Variants in SH2D1B observed in about 807,000 individuals in gnomAD.
SH2D1B encodes SH2 domain-containing protein 1B.
A neutral mutation model predicts 16.3 loss-of-function variants in SH2D1B; 11 were observed. That is an observed-to-expected ratio of 0.67 (90% confidence interval 0.42 to 1.11). The LOEUF (loss-of-function observed/expected upper bound fraction) is 1.11. SH2D1B is among the 50% of genes most tolerant of loss of function. The pLI is 0.00. For synonymous variants in SH2D1B, 55 were observed against 56.1 expected (o/e 0.98, Z 0.09); for missense variants, 123 against 153.1 (o/e 0.80, Z 1.04).
At chr1:162,403,028 C>T (rs1223885018) in intron 1 of SH2D1B, among the ~76,000 whole-genome samples, 2 of 151,912 alleles carry the variant, frequency 1.3e-5, no homozygotes, top group Non-Finnish European at 1.5e-5. Context: ...CCTGCCTCAG[C>T]CTCCTGCGTA....
intron 1 of SH2D1B, among the ~76,000 whole-genome samples, chr1:162,406,282 C>T (rs1352940359): frequency 6.6e-6 from 1 of 152,168 alleles, no homozygotes; most frequent in Admixed American, 6.5e-5. Context: ...CCAAATTACA[C>T]TGAGTCCACT....
chr1:162,402,971 C>T (rs938195081), intron 1 of SH2D1B, among the ~76,000 whole-genome samples, 169 bp from the exon 2 acceptor site: 7 of 151,338 alleles, frequency 4.6e-5, no homozygotes, highest in Non-Finnish European at 1.0e-4. Flanking sequence ...TGCAGTGGTG[C>T]GATCTCAGCT....
At position 162,395,795 on chromosome 1, in the gene SH2D1B, T is replaced by C. The variant is rs1286442433; in HGVS notation, c.*1485A>G. On this transcript the variant is annotated 3_prime_UTR_variant, in exon 4 of 4. Transcript: ENST00000367929. ...TCTAACAGAATATACAAGACTTCAG[T>C]TGGGAAAATTTATGACTCCATGAAA... 2.0e-5 allele frequency: 3 copies of C among 152,092 alleles called. No homozygotes were observed. The highest frequency in any genetic ancestry group is 7.2e-5 in the African/African-American group (3 of 41,402). The allele number at this position is 152,092 out of a possible 1,614,324, so 9.4% of individuals were successfully genotyped here.
At chr1:162,397,444 T>A in intron 3 of SH2D1B, 129 bp from the exon 4 acceptor site, 1 of 961,136 alleles carries the variant, frequency 1.0e-6, no homozygotes, top group Non-Finnish European at 1.6e-6. Flanking sequence ...ACCTGAAAGT[T>A]GTATCTTTAA....
chr1:162,402,961 T>C (rs1648557946), intron 1 of SH2D1B, among the ~76,000 whole-genome samples, 159 bp from the exon 2 acceptor site: 1 of 151,540 alleles, frequency 6.6e-6, no homozygotes, highest in Admixed American at 6.6e-5. Flanking sequence ...CAGGCTGGAG[T>C]GCAGTGGTGC....
chr1:162,402,796 T>G lies in SH2D1B; in HGVS notation c.141A>C (p.Lys47Asn). ...AGATTCGGTATGTGTAGACAATATT[T>G]TTAAACCTGTGGAAAAAATGACTGT... ...PGVLCLCVSF[K>N]NIVYTYRIFR... Residue 47 changes from lysine (K) to asparagine (N), a missense_variant, in exon 2 of 4, where the codon AAA becomes AAC. Coordinates refer to ENST00000367929, the MANE Select transcript of SH2D1B (RefSeq NM_053282.5). The G allele has an allele frequency of 6.2e-7, 1 of 1,613,546 alleles. No homozygotes were observed. Among genetic ancestry groups the G allele is most frequent in the Non-Finnish European group, 8.5e-7 (1 of 1,179,452 alleles).
Position 162,412,028 on chromosome 1 carries a change from T to C in SH2D1B, c.-12A>G, listed in dbSNP as rs1891090. On this transcript the variant is annotated 5_prime_UTR_variant, in exon 1 of 4. Coordinates refer to ENST00000367929, the MANE Select transcript of SH2D1B (RefSeq NM_053282.5). ...TAAGGCAGATCCATGGAGAACGCTCTTGTATCCCAGGAAGCCCTGTTGGCC... is the reference window on the plus strand; with the variant it reads ...TAAGGCAGATCCATGGAGAACGCTCCTGTATCCCAGGAAGCCCTGTTGGCC... The C allele has an allele frequency of 1.5e-3, 2,368 of 1,613,960 alleles. 39 individuals carry two copies. In the African/African-American group the frequency reaches 0.027, roughly 19 times the overall value.
chr1:162,403,511 AAT>A (rs201259868), intron 1 of SH2D1B, among the ~76,000 whole-genome samples: 1,190 of 41,656 alleles, frequency 0.029, 19 homozygotes, highest in African/African-American at 0.051. Flanking sequence ...AAAAAAAAAA[AAT>A]ATATATATAT....
At chr1:162,401,707 C>T (rs1466017116) in intron 2 of SH2D1B, among the ~76,000 whole-genome samples, 1 of 152,038 alleles carries the variant, frequency 6.6e-6, no homozygotes, top group Non-Finnish European at 1.5e-5. Context: ...TTGTCAACTG[C>T]CTCAATAATG....
At chr1:162,398,361 A>G (rs142780657) in intron 3 of SH2D1B, among the ~76,000 whole-genome samples, 90 of 152,358 alleles carry the variant, frequency 5.9e-4, no homozygotes, top group African/African-American at 2.0e-3. Flanking sequence ...CTGAGAGCAG[A>G]TTTCAAGAGT....
chr1:162,398,479 C>A (rs777678501), intron 3 of SH2D1B, among the ~76,000 whole-genome samples: 2 of 152,134 alleles, frequency 1.3e-5, no homozygotes, highest in Non-Finnish European at 2.9e-5. Context: ...CGGCTTAATG[C>A]CTTTAAAAAT....
At chr1:162,402,856 A>G (rs1648553652) in intron 1 of SH2D1B, 54 bp from the exon 2 acceptor site, 3 of 1,388,326 alleles carry the variant, frequency 2.2e-6, no homozygotes, top group African/African-American at 2.8e-5. Context: ...TCCAGGTAAC[A>G]TCTATCGTTA....
intron 2 of SH2D1B, 200 bp downstream of exon 2, chr1:162,402,539 A>C (rs1000231526): frequency 8.4e-6 from 4 of 477,222 alleles, no homozygotes; most frequent in Non-Finnish European, 1.5e-5. Flanking sequence ...ACAACAACAA[A>C]AAAAGTAGAA....
intron 1 of SH2D1B, among the ~76,000 whole-genome samples, chr1:162,406,579 T>G (rs1648659202): frequency 6.6e-6 from 1 of 152,180 alleles, no homozygotes; most frequent in South Asian, 2.1e-4. Flanking sequence ...GTTTGTTTTG[T>G]TTTTTATACC....
rs1648393982 is a variant in SH2D1B at position 162,396,970 on chromosome 1, A to C, written c.*310T>G. On this transcript the variant is annotated 3_prime_UTR_variant, in exon 4 of 4. Coordinates refer to ENST00000367929, the MANE Select transcript of SH2D1B (RefSeq NM_053282.5). Reference sequence around the variant, plus strand: ...CTGCCCCTCTGACTGCATGGTCCAAAGGAGGGTGTCAACCATGATGTAGGG... The same window carrying C: ...CTGCCCCTCTGACTGCATGGTCCAACGGAGGGTGTCAACCATGATGTAGGG... The C allele has an allele frequency of 2.9e-6, 1 of 343,434 alleles. No homozygotes were observed. Among genetic ancestry groups the C allele is most frequent in the Non-Finnish European group, 5.5e-6 (1 of 180,188 alleles). 21.3% of individuals were successfully genotyped at this position (343,434 alleles called of 1,614,324 possible).
At chr1:162,404,619 A>G (rs1648609536) in intron 1 of SH2D1B, among the ~76,000 whole-genome samples, 1 of 152,208 alleles carries the variant, frequency 6.6e-6, no homozygotes, top group South Asian at 2.1e-4. Context: ...TTAAAAATAA[A>G]AAAAGTAAAA....
chr1:162,403,396 C>T (rs374023182), intron 1 of SH2D1B, among the ~76,000 whole-genome samples: 14 of 144,744 alleles, frequency 9.7e-5, no homozygotes, highest in Admixed American at 5.0e-4. Context: ...GGCTGAGGCA[C>T]GAGAATCGCT....
chr1:162,397,990 A>C (rs1648421403), intron 3 of SH2D1B, among the ~76,000 whole-genome samples: 1 of 152,186 alleles, frequency 6.6e-6, no homozygotes, highest in Non-Finnish European at 1.5e-5. Context: ...CCATGAGTAC[A>C]CACTGCCCTT....
At chr1:162,401,623 G>T (rs1352511074) in intron 2 of SH2D1B, among the ~76,000 whole-genome samples, 1 of 151,980 alleles carries the variant, frequency 6.6e-6, no homozygotes, top group African/African-American at 2.4e-5. Flanking sequence ...ATACTACAAT[G>T]ATTAAAATCA....
Sources: gnomAD v4.1 joint callset for allele counts (sites outside exome capture counted in the v4.1 genomes callset) on GRCh38, gnomAD v4.1.1 for gene constraint, MANE v1.5 for transcripts, NCBI Gene and HGNC (gene_info 2026-07-23, HGNC 2026-07-21) for gene names.